Variants in PHIP observed in about 807,000 individuals in gnomAD.
PHIP encodes the protein PHIP subunit of CUL4-Ring ligase complex, also known as PH-interacting protein.
In PHIP, 54 loss-of-function variants were observed where a neutral mutation model predicts 236.8. The ratio of observed to expected loss-of-function variants is 0.23; its 90% CI spans 0.18 to 0.29. PHIP has a LOEUF of 0.29. Ranked by LOEUF, PHIP falls within the 10% of genes least tolerant of loss-of-function variation. The pLI is 1.00. For synonymous variants in PHIP, 756 were observed against 718.9 expected (o/e 1.05, Z -0.83); for missense variants, 1,370 against 2,190.8 (o/e 0.63, Z 7.48).
intron 4 of PHIP, among the ~76,000 whole-genome samples, chr6:79,071,897 C>T (rs527872827): frequency 2.6e-5 from 4 of 151,252 alleles, no homozygotes; most frequent in East Asian, 3.9e-4. Flanking sequence ...CTGCATTAGA[C>T]TATTATTATT....
intron 21 of PHIP, 43 bp downstream of exon 21, chr6:78,988,166 A>G (rs1040702644): frequency 1.4e-6 from 2 of 1,381,364 alleles, no homozygotes; most frequent in African/African-American, 1.5e-5. Context: ...TTAAAAAAAT[A>G]AGTAAAAATG....
rs1331670757 is a variant in PHIP, at chr6:78,945,303, G to C, written c.4825C>G (p.Gln1609Glu). ...AAAGATACAAGTAATACCTTACCTT[G>C]CTCAATGACAGCTGATGACTTTGAA... Reference protein sequence around the residue: ...TLSKSSAVIEQGDCKNNALVP... With the variant: ...TLSKSSAVIEEGDCKNNALVP... The change falls in exon 39 of 40, where the codon CAA becomes GAA. Residue 1609 changes from glutamine (Q) to glutamate (E), a missense_variant. Coordinates refer to ENST00000275034, the MANE Select transcript of PHIP (RefSeq NM_017934.7). 2 of 1,599,634 alleles carry C rather than the reference G, an allele frequency of 1.3e-6. No homozygotes were observed. Among genetic ancestry groups the C allele is most frequent in the Admixed American group, 1.7e-5 (1 of 60,008 alleles).
intron 39 of PHIP, among the ~76,000 whole-genome samples, chr6:78,944,467 A>G (rs1169410694): frequency 1.3e-5 from 2 of 152,178 alleles, no homozygotes; most frequent in African/African-American, 4.8e-5. Flanking sequence ...CAAGCAAGAA[A>G]TTATGTAGGC....
At chr6:79,053,320 A>C (rs899943326) in intron 6 of PHIP, among the ~76,000 whole-genome samples, 2 of 152,212 alleles carry the variant, frequency 1.3e-5, no homozygotes, top group African/African-American at 4.8e-5. Context: ...TCTCAAAAGA[A>C]TAAAATTAAA....
chr6:78,948,993 T>C (rs965478344), intron 35 of PHIP, among the ~76,000 whole-genome samples: 1 of 152,206 alleles, frequency 6.6e-6, no homozygotes, highest in African/African-American at 2.4e-5. Flanking sequence ...TCTTGCCTTA[T>C]TGCATTGGCT....
rs1425833078 is a variant in PHIP at position 78,938,181 on chromosome 6, T to C, written c.*2512A>G. On this transcript the variant is annotated 3_prime_UTR_variant, in exon 40 of 40. Coordinates refer to ENST00000275034, the MANE Select transcript of PHIP (RefSeq NM_017934.7). Reference sequence around the variant, plus strand: ...ATATATTGGTATTACTAATACATGTTTAAGTGTTTCGGTTACAAAGAATCT... The same window carrying C: ...ATATATTGGTATTACTAATACATGTCTAAGTGTTTCGGTTACAAAGAATCT... 1 of 151,638 alleles carries C rather than the reference T, an allele frequency of 6.6e-6. No homozygotes were observed. The highest frequency in any genetic ancestry group is 1.5e-5 in the Non-Finnish European group (1 of 67,610). 9.4% of individuals were successfully genotyped at this position (151,638 alleles called of 1,614,324 possible).
At chr6:78,969,485 G>GT (rs1562134455) in intron 27 of PHIP, among the ~76,000 whole-genome samples, 1 of 152,126 alleles carries the variant, frequency 6.6e-6, no homozygotes, top group East Asian at 1.9e-4. Context: ...AAAAATGTCA[G>GT]TTTAGCTTTA....
intron 33 of PHIP, 152 bp from the exon 34 acceptor site, chr6:78,955,434 A>G (rs1766351838): frequency 3.3e-6 from 2 of 614,540 alleles, no homozygotes; most frequent in African/African-American, 1.9e-5. Flanking sequence ...GGTTCCCCCC[A>G]TTAAAAAATT....
At chr6:79,035,010 G>C (rs997491403) in intron 7 of PHIP, among the ~76,000 whole-genome samples, 1 of 152,076 alleles carries the variant, frequency 6.6e-6, no homozygotes, top group Non-Finnish European at 1.5e-5. Flanking sequence ...TGGCCAACTG[G>C]AGTCTGCACA....
chr6:79,040,118 A>C (rs762341825), intron 7 of PHIP, among the ~76,000 whole-genome samples: 2 of 152,124 alleles, frequency 1.3e-5, no homozygotes, highest in Non-Finnish European at 2.9e-5. Context: ...ACTGCTTTCT[A>C]TTTTGTTCAG....
At chr6:78,965,651 C>A (rs1767078733) in intron 29 of PHIP, 52 bp downstream of exon 29, 2 of 995,580 alleles carry the variant, frequency 2.0e-6, no homozygotes, top group Non-Finnish European at 3.1e-6. Context: ...TAAATAATTT[C>A]TTAAGAAATT....
chr6:79,001,784 C>T (rs1379891338), intron 17 of PHIP, 115 bp downstream of exon 17: 15 of 662,068 alleles, frequency 2.3e-5, no homozygotes, highest in Non-Finnish European at 4.0e-5. Flanking sequence ...AAGTATAAAA[C>T]ATACTTTTAC....
intron 19 of PHIP, among the ~76,000 whole-genome samples, chr6:78,994,568 C>T (rs1769488363): frequency 1.5e-5 from 2 of 131,730 alleles, no homozygotes; most frequent in Non-Finnish European, 3.2e-5. Context: ...CAAAGTAAGA[C>T]TCTGTCTCAA....
intron 17 of PHIP, among the ~76,000 whole-genome samples, chr6:79,001,100 T>G (rs938693257): frequency 2.0e-5 from 3 of 152,142 alleles, no homozygotes; most frequent in African/African-American, 7.2e-5. Context: ...GATTGAAGTC[T>G]AGAACTTAAA....
At chr6:78,948,397 A>T (rs1416759671) in intron 35 of PHIP, among the ~76,000 whole-genome samples, 6 of 152,222 alleles carry the variant, frequency 3.9e-5, no homozygotes, top group African/African-American at 1.4e-4. Flanking sequence ...AAAAACACAC[A>T]CGTGAAACAG....
chr6:79,038,977 T>C (rs993753820), intron 7 of PHIP, among the ~76,000 whole-genome samples: 1 of 152,192 alleles, frequency 6.6e-6, no homozygotes, highest in African/African-American at 2.4e-5. Context: ...TCTCGAGTCT[T>C]ACAAATCCTA....
chr6:79,053,298 A>G (rs1338190868), intron 6 of PHIP, among the ~76,000 whole-genome samples: 1 of 152,204 alleles, frequency 6.6e-6, no homozygotes, highest in Non-Finnish European at 1.5e-5. Context: ...TGGGCAACAG[A>G]GCGAGACTCA....
chr6:78,952,418 A>C (rs969274192), intron 35 of PHIP, among the ~76,000 whole-genome samples: 5 of 136,666 alleles, frequency 3.7e-5, no homozygotes, highest in Admixed American at 7.1e-5. Flanking sequence ...ACTCTGTCCC[A>C]AAAAAAAAAG....
chr6:79,013,772 A>G (rs1210659868), intron 15 of PHIP, among the ~76,000 whole-genome samples: 1 of 151,706 alleles, frequency 6.6e-6, no homozygotes, highest in Non-Finnish European at 1.5e-5. Flanking sequence ...CCAATATAAT[A>G]ATGTCCTTTG....
Sources: allele counts gnomAD v4.1 joint callset (sites outside exome capture counted in the v4.1 genomes callset), GRCh38; gene constraint gnomAD v4.1.1; transcripts MANE v1.5; gene names NCBI Gene and HGNC (gene_info 2026-07-23, HGNC 2026-07-21).